CDH12: variants seen among roughly 807,000 people sequenced by gnomAD.
The protein encoded by CDH12 is cadherin-12.
A neutral mutation model predicts 74.1 loss-of-function variants in CDH12; 41 were observed. The ratio of observed to expected loss-of-function variants is 0.55; its 90% CI spans 0.43 to 0.72. CDH12 has a LOEUF of 0.72. Ranked by LOEUF, CDH12 falls within the 30% of genes least tolerant of loss-of-function variation. The pLI is 0.00. For missense variants in CDH12, 945 were observed against 977.2 expected, an observed-to-expected ratio of 0.97 and a Z score of 0.44; for synonymous variants, 399 against 355.0, an observed-to-expected ratio of 1.12 and a Z score of -1.39.
At chr5:21,921,567 G>A (rs181002180) in intron 6 of CDH12, among the ~76,000 whole-genome samples, 335 of 152,082 alleles carry the variant, frequency 2.2e-3, no homozygotes, top group Non-Finnish European at 3.5e-3. Context: ...ACTCCTTTTT[G>A]AATTCATGAA....
At chr5:22,366,040 C>T (rs1487083938) in intron 3 of CDH12, among the ~76,000 whole-genome samples, 1 of 152,112 alleles carries the variant, frequency 6.6e-6, no homozygotes, top group Non-Finnish European at 1.5e-5. Flanking sequence ...CTCACTGCAA[C>T]CCCTGCCTCT....
At position 21,787,971 on chromosome 5, in the gene CDH12, T is replaced by A. The variant is rs542085929; in HGVS notation, c.1257-4477A>T. On this transcript the variant is annotated intron_variant, in intron 10 of 14. Transcript: ENST00000382254. ...GAAAATTGCCACTGAAACTCCTTAT[T>A]AACTGTAGTATTTCTGAAAGAATTG... is the stretch of plus-strand genomic sequence containing the variant. Among the ~76,000 whole-genome samples the A allele has an allele frequency of 2.6e-5, 4 of 152,312 alleles. No homozygotes were observed. The East Asian group carries it at 5.8e-4, about 22-fold the overall frequency.
At chr5:22,231,424 A>C (rs912838051) in intron 3 of CDH12, among the ~76,000 whole-genome samples, 1 of 152,030 alleles carries the variant, frequency 6.6e-6, no homozygotes, top group Non-Finnish European at 1.5e-5. Context: ...TATTCAACAC[A>C]CTGTTCATTA....
At position 22,078,808 on chromosome 5, in the gene CDH12, C is replaced by T. The variant is rs1742515573; in HGVS notation, c.-132G>A. ...TTTATTGCAGAAATGATGATGCAGG[C>T]ATTAATCCTTTTGATGAAAAGGCTT... On this transcript the variant is annotated 5_prime_UTR_variant, in exon 5 of 15. The change abolishes an upstream ATG in the 5' untranslated region. Coordinates refer to ENST00000382254, the MANE Select transcript of CDH12 (RefSeq NM_004061.5). 2 of 1,445,346 alleles carry T rather than the reference C, an allele frequency of 1.4e-6. No homozygotes were observed. The highest frequency in any genetic ancestry group is 3.0e-5 in the South Asian group (2 of 67,300). 89.5% of individuals were successfully genotyped at this position (1,445,346 alleles called of 1,614,324 possible).
intron 8 of CDH12, among the ~76,000 whole-genome samples, chr5:21,822,120 A>G (rs992490587): frequency 2.0e-5 from 3 of 151,920 alleles, no homozygotes; most frequent in African/African-American, 7.2e-5. Flanking sequence ...GATCTGTAAA[A>G]TTAGTATAAC....
rs1258028417 is a variant in CDH12 at position 21,817,107 on chromosome 5, C to G, written c.840G>C (p.Glu280Asp). ...CAATAGCTGAACCAATAGGGGAAGA[C>G]TCAGGAACTTTCAAGTGGAAGATGC... is the stretch of plus-strand genomic sequence containing the variant. ...PKSIFHLKVP[E>D]SSPIGSAIGR... Residue 280 changes from glutamate (E) to aspartate (D), a missense_variant, in exon 9 of 15, where the codon GAG (glutamate) becomes GAC (aspartate). Physicochemically the swap from Glu to Asp is conservative, Grantham distance 45. Coordinates refer to ENST00000382254, the MANE Select transcript of CDH12 (RefSeq NM_004061.5). 6.2e-7 allele frequency: 1 copy of G among 1,610,452 alleles called. No homozygotes were observed. Among genetic ancestry groups the G allele is most frequent in the Admixed American group, 1.7e-5 (1 of 59,444 alleles).
chr5:22,758,751 T>C (rs1371697046), intron 1 of CDH12, among the ~76,000 whole-genome samples: 1 of 152,198 alleles, frequency 6.6e-6, no homozygotes, highest in East Asian at 1.9e-4. Context: ...GACAAAAGTA[T>C]GTTTGATTTA....
At chr5:22,384,087 T>A (rs562327271) in intron 3 of CDH12, among the ~76,000 whole-genome samples, 2 of 152,288 alleles carry the variant, frequency 1.3e-5, no homozygotes, top group South Asian at 4.1e-4. Context: ...ATGATAACTA[T>A]TTTATATCTG....
intron 6 of CDH12, among the ~76,000 whole-genome samples, chr5:21,910,303 A>G (rs1753807402): frequency 6.6e-6 from 1 of 152,146 alleles, no homozygotes; most frequent in Non-Finnish European, 1.5e-5. Flanking sequence ...GGCATCAAGA[A>G]CATCAAATTC....
intron 3 of CDH12, among the ~76,000 whole-genome samples, chr5:22,284,417 A>G (rs1737047627): frequency 6.6e-6 from 1 of 152,112 alleles, no homozygotes; most frequent in Non-Finnish European, 1.5e-5. Flanking sequence ...AAGACTGAGG[A>G]TGGAGTATTT....
At chr5:22,551,065 T>C (rs1322400508) in intron 1 of CDH12, among the ~76,000 whole-genome samples, 1 of 152,202 alleles carries the variant, frequency 6.6e-6, no homozygotes, top group African/African-American at 2.4e-5. Flanking sequence ...AATAATAGGA[T>C]GATTTCCTTG....
intron 6 of CDH12, among the ~76,000 whole-genome samples, chr5:21,874,458 C>A (rs1171390540): frequency 3.3e-5 from 5 of 152,064 alleles, no homozygotes; most frequent in African/African-American, 7.2e-5. Flanking sequence ...CACTAAAATG[C>A]GAATTAGGCA....
At chr5:22,347,821 C>T (rs1415640704) in intron 3 of CDH12, among the ~76,000 whole-genome samples, 1 of 152,160 alleles carries the variant, frequency 6.6e-6, no homozygotes, top group Non-Finnish European at 1.5e-5. Context: ...ACCTTTGAAA[C>T]ATCCAGTGTG....
chr5:22,492,895 C>T (rs529151497), intron 2 of CDH12, among the ~76,000 whole-genome samples: 6 of 152,040 alleles, frequency 3.9e-5, no homozygotes, highest in Admixed American at 3.3e-4. Flanking sequence ...TGAAGACCAC[C>T]GATCGCACAC....
intron 8 of CDH12, among the ~76,000 whole-genome samples, chr5:21,830,565 G>A (rs1579786767): frequency 6.6e-6 from 1 of 152,106 alleles, no homozygotes; most frequent in African/African-American, 2.4e-5. Context: ...TCTGGCACAT[G>A]AGTATAGCTG....
intron 6 of CDH12, among the ~76,000 whole-genome samples, chr5:21,895,109 C>T (rs1190638218): frequency 1.3e-5 from 2 of 151,602 alleles, no homozygotes; most frequent in South Asian, 2.1e-4. Flanking sequence ...TGTTCAGCTG[C>T]GCTCACTATA....
At chr5:22,633,162 A>T (rs1738670413) in intron 1 of CDH12, among the ~76,000 whole-genome samples, 1 of 152,188 alleles carries the variant, frequency 6.6e-6, no homozygotes. Context: ...AAGAGAGTTC[A>T]TTGCTAGTAG....
At chr5:22,360,826 A>G (rs182865856) in intron 3 of CDH12, among the ~76,000 whole-genome samples, 9,059 of 152,264 alleles carry the variant, frequency 0.059, 380 homozygotes, top group South Asian at 0.16. Context: ...CCAAAGACAA[A>G]AACCACATGA....
chr5:22,408,865 T>G (rs181957653), intron 2 of CDH12, among the ~76,000 whole-genome samples: 3 of 152,010 alleles, frequency 2.0e-5, no homozygotes, highest in Non-Finnish European at 4.4e-5. Context: ...GTGGACAATT[T>G]TGTTTCCAAT....
Sources: gnomAD v4.1 joint callset for allele counts (sites outside exome capture counted in the v4.1 genomes callset) on GRCh38, gnomAD v4.1.1 for gene constraint, MANE v1.5 for transcripts, NCBI Gene and HGNC (gene_info 2026-07-23, HGNC 2026-07-21) for gene names.